The following ABCA13 variants were observed in gnomAD, a reference collection of about 807,000 sequenced individuals.
The protein encoded by ABCA13 is ATP-binding cassette sub-family A member 13.
ABCA13 carries 476 observed loss-of-function variants against 478.7 expected under a neutral mutation model. The observed-to-expected ratio is 0.99, with a 90% CI of 0.92 to 1.07. The LOEUF (loss-of-function observed/expected upper bound fraction) is 1.07, where lower values mean the gene tolerates loss of function less well. Among genes scored for constraint, ABCA13 ranks in the 50% least tolerant of loss-of-function variants. The pLI is 0.00. For missense variants in ABCA13, 6,060 were observed against 5,910.6 expected, an observed-to-expected ratio of 1.03 and a Z score of -0.83; for synonymous variants, 2,252 against 2,158.9, an observed-to-expected ratio of 1.04 and a Z score of -1.20.
chr7:48,202,951 C>G (rs911253489), intron 3 of ABCA13, among the ~76,000 whole-genome samples: 2 of 150,506 alleles, frequency 1.3e-5, no homozygotes, highest in African/African-American at 2.5e-5. Context: ...GACTGGGCGC[C>G]GTGGAGCAGG....
chr7:48,487,586 G>A (rs1829452471), intron 47 of ABCA13, among the ~76,000 whole-genome samples: 1 of 152,138 alleles, frequency 6.6e-6, no homozygotes, highest in Non-Finnish European at 1.5e-5. Context: ...GACTATCCTT[G>A]TGTCTTCTAT....
intron 59 of ABCA13, among the ~76,000 whole-genome samples, chr7:48,639,223 C>A (rs1254197614): frequency 6.6e-6 from 1 of 152,218 alleles, no homozygotes; most frequent in Non-Finnish European, 1.5e-5. Flanking sequence ...GCCAGCTACA[C>A]ATCAAGTGCT....
At chr7:48,487,335 A>C (rs1363888166) in intron 47 of ABCA13, among the ~76,000 whole-genome samples, 8 of 49,882 alleles carry the variant, frequency 1.6e-4, no homozygotes, top group Middle Eastern at 8.6e-3. Flanking sequence ...AAAACAAAAC[A>C]AAAAAAACAA....
chr7:48,481,193 AT>A, intron 46 of ABCA13, 39 bp downstream of exon 46: 1 of 1,433,252 alleles, frequency 7.0e-7, no homozygotes, highest in Non-Finnish European at 9.6e-7. Context: ...ACTTGTTTGG[AT>A]TACTATGGAA....
At chr7:48,626,685 C>A (rs757515869) in intron 59 of ABCA13, 1 of 985,340 alleles carries the variant, frequency 1.0e-6, no homozygotes, top group South Asian at 4.7e-5. Flanking sequence ...CTGAAGAACA[C>A]GATAATAGAA....
At chr7:48,222,943 T>C (rs1231295954) in intron 5 of ABCA13, among the ~76,000 whole-genome samples, 1 of 152,140 alleles carries the variant, frequency 6.6e-6, no homozygotes, top group Admixed American at 6.5e-5. Flanking sequence ...CATCCTTCTA[T>C]GCAACATTAA....
rs1343533711 is a variant in ABCA13, at chr7:48,549,245, T to C, written c.14354+20900T>C. 3.3e-5 allele frequency among the ~76,000 whole-genome samples: 5 copies of C among 151,738 alleles called. 1 individual carries two copies. The highest frequency in any genetic ancestry group is 7.4e-5 in the Non-Finnish European group (5 of 67,814). ...CTACCCGCCAACAGGCCCAGGTGTG[T>C]GTTGTTCCCCTCCCTGTGTCCATGT... On this transcript the variant is annotated intron_variant, in intron 55 of 61. Coordinates refer to ENST00000435803, the MANE Select transcript of ABCA13 (RefSeq NM_152701.5).
intron 61 of ABCA13, 130 bp from the exon 62 acceptor site, chr7:48,645,287 G>A: frequency 1.6e-6 from 1 of 631,678 alleles, no homozygotes; most frequent in Middle Eastern, 2.8e-4. Flanking sequence ...GGGAGGGAAT[G>A]GTATGAATTA....
At chr7:48,325,578 T>G (rs1425121775) in intron 27 of ABCA13, among the ~76,000 whole-genome samples, 1 of 152,188 alleles carries the variant, frequency 6.6e-6, no homozygotes, top group Non-Finnish European at 1.5e-5. Context: ...ATCTGCATTT[T>G]TTTGCTGTTT....
intron 3 of ABCA13, among the ~76,000 whole-genome samples, chr7:48,215,192 G>A (rs1303726895): frequency 6.6e-6 from 1 of 151,924 alleles, no homozygotes; most frequent in Non-Finnish European, 1.5e-5. Context: ...CCTTTCACTC[G>A]AACAATTAGA....
intron 13 of ABCA13, 38 bp downstream of exon 13, chr7:48,246,068 A>G (rs1311222526): frequency 3.8e-6 from 6 of 1,570,720 alleles, no homozygotes; most frequent in Non-Finnish European, 5.2e-6. Flanking sequence ...TAAGGGCACA[A>G]ATTTAAGATT....
intron 27 of ABCA13, among the ~76,000 whole-genome samples, chr7:48,320,729 C>A (rs948370153): frequency 6.6e-6 from 1 of 152,156 alleles, no homozygotes; most frequent in African/African-American, 2.4e-5. Context: ...GTGAGAATCA[C>A]CAGGCACATT....
chr7:48,475,763 C>T (rs1032988814), intron 45 of ABCA13, among the ~76,000 whole-genome samples: 1 of 152,152 alleles, frequency 6.6e-6, no homozygotes, highest in Non-Finnish European at 1.5e-5. Flanking sequence ...CACGCCCAAC[C>T]TGTTTCCTCA....
intron 59 of ABCA13, among the ~76,000 whole-genome samples, chr7:48,620,192 C>T (rs986360258): frequency 6.6e-6 from 1 of 150,880 alleles, no homozygotes; most frequent in Non-Finnish European, 1.5e-5. Flanking sequence ...ACCTGGAGTA[C>T]AGGTAAAATT....
At chr7:48,294,741 C>T (rs1261812340) in intron 20 of ABCA13, among the ~76,000 whole-genome samples, 2 of 152,118 alleles carry the variant, frequency 1.3e-5, no homozygotes, top group Non-Finnish European at 2.9e-5. Context: ...CCACCGCGCC[C>T]GGCCCGTTTC....
At chr7:48,303,952 G>C (rs1403949560) in intron 23 of ABCA13, among the ~76,000 whole-genome samples, 2 of 152,134 alleles carry the variant, frequency 1.3e-5, no homozygotes, top group East Asian at 3.9e-4. Flanking sequence ...CAACATGTCT[G>C]TCTGGGGTGT....
chr7:48,366,646 A>G (rs1811718384), intron 31 of ABCA13, among the ~76,000 whole-genome samples: 1 of 152,000 alleles, frequency 6.6e-6, no homozygotes, highest in Non-Finnish European at 1.5e-5. Flanking sequence ...TCCATACATG[A>G]GAGGCAACCC....
intron 54 of ABCA13, among the ~76,000 whole-genome samples, chr7:48,527,685 G>C (rs1390561699): frequency 6.6e-6 from 1 of 152,154 alleles, no homozygotes; most frequent in Non-Finnish European, 1.5e-5. Context: ...GATTAGCTTA[G>C]ACTCTGAGTT....
At position 48,634,965 on chromosome 7, in the gene ABCA13, T is replaced by C. The variant is rs192357406; in HGVS notation, c.14838-8323T>C. On this transcript the variant is annotated intron_variant, in intron 59 of 61. Coordinates refer to ENST00000435803, the MANE Select transcript of ABCA13 (RefSeq NM_152701.5). ...ACAATATCATGGGCATAAATTGTTC[T>C]ACATATAAATCTCATAAAATTTAGG... Among the ~76,000 whole-genome samples, 86 of 152,292 alleles carry C rather than the reference T, an allele frequency of 5.6e-4. 1 individual carries two copies. The East Asian group carries it at 0.016, about 28-fold the overall frequency.
Sources: gnomAD v4.1 joint callset for allele counts (sites outside exome capture counted in the v4.1 genomes callset) on GRCh38, gnomAD v4.1.1 for gene constraint, MANE v1.5 for transcripts, NCBI Gene and HGNC (gene_info 2026-07-23, HGNC 2026-07-21) for gene names.